The following NECAB1 variants were observed in gnomAD, a reference collection of about 807,000 sequenced individuals.
NECAB1 encodes N-terminal EF-hand calcium-binding protein 1.
A neutral mutation model predicts 57.5 loss-of-function variants in NECAB1; 29 were observed. The ratio of observed to expected loss-of-function variants is 0.50; its 90% CI spans 0.38 to 0.69. The LOEUF (loss-of-function observed/expected upper bound fraction) is 0.69. Among genes scored for constraint, NECAB1 ranks in the 30% least tolerant of loss-of-function variants. The pLI is 0.00. For synonymous variants in NECAB1, 142 were observed against 147.7 expected, an observed-to-expected ratio of 0.96 and a Z score of 0.28; for missense variants, 372 against 413.8, an observed-to-expected ratio of 0.90 and a Z score of 0.88.
intron 2 of NECAB1, among the ~76,000 whole-genome samples, chr8:90,806,129 C>T (rs1365999434): frequency 6.6e-6 from 1 of 152,178 alleles, no homozygotes; most frequent in African/African-American, 2.4e-5. Context: ...CCATTGGATT[C>T]CTCTTGTTGA....
intron 3 of NECAB1, among the ~76,000 whole-genome samples, chr8:90,829,243 C>T (rs918094196): frequency 6.6e-6 from 1 of 152,106 alleles, no homozygotes; most frequent in East Asian, 1.9e-4. Context: ...CAAATTGGAA[C>T]CATCACACCA....
At chr8:90,793,270 C>T (rs1201596567) in intron 1 of NECAB1, among the ~76,000 whole-genome samples, 5 of 152,238 alleles carry the variant, frequency 3.3e-5, no homozygotes, top group African/African-American at 1.2e-4. Flanking sequence ...ATCAATAATT[C>T]AAACTGTTGT....
rs532099961 is a variant in NECAB1, at chr8:90,859,788, A to AT, written c.234-12334dup. 1.0e-3 allele frequency among the ~76,000 whole-genome samples: 156 copies of AT among 152,200 alleles called. 1 individual carries two copies. Among genetic ancestry groups the AT allele is most frequent in the African/African-American group, 3.6e-3 (150 of 41,536 alleles). ...TCAGCCAATTGAAACAGAGCTCACC[A>AT]TTTTTTCTAATGTAATAAATATATA... On this transcript the variant is annotated intron_variant, in intron 3 of 12. Transcript: ENST00000417640.
intron 3 of NECAB1, among the ~76,000 whole-genome samples, chr8:90,860,242 T>C (rs905763934): frequency 6.6e-6 from 1 of 150,752 alleles, no homozygotes; most frequent in Middle Eastern, 3.2e-3. Context: ...TTTTTTCTTT[T>C]TTTTTTTTTT....
At chr8:90,921,109 C>T (rs748522435) in intron 6 of NECAB1, among the ~76,000 whole-genome samples, 31 of 152,104 alleles carry the variant, frequency 2.0e-4, no homozygotes, top group Non-Finnish European at 3.5e-4. Context: ...TTCCGCTTCC[C>T]GGGTTCAAGC....
At chr8:90,903,440 A>G (rs1043005590) in intron 5 of NECAB1, among the ~76,000 whole-genome samples, 2 of 152,208 alleles carry the variant, frequency 1.3e-5, no homozygotes, top group African/African-American at 4.8e-5. Context: ...TAGGTTTGTT[A>G]TAATAAAAGT....
chr8:90,952,849 G>A (rs886298257), intron 12 of NECAB1, among the ~76,000 whole-genome samples: 4 of 151,512 alleles, frequency 2.6e-5, no homozygotes, highest in Non-Finnish European at 4.4e-5. Context: ...TACAACTTCT[G>A]TAAATATGAC....
chr8:90,947,029 GA>G (rs1039665097), intron 10 of NECAB1, among the ~76,000 whole-genome samples: 6 of 152,118 alleles, frequency 3.9e-5, no homozygotes, highest in Non-Finnish European at 7.4e-5. Flanking sequence ...CTTATCTATG[GA>G]AAATGCTTAA....
intron 9 of NECAB1, among the ~76,000 whole-genome samples, chr8:90,935,048 G>T (rs1252208383): frequency 6.6e-6 from 1 of 152,142 alleles, no homozygotes; most frequent in Non-Finnish European, 1.5e-5. Context: ...TTTACATTTA[G>T]TGAAAATTTG....
In NECAB1 at chr8:90,957,777, G is replaced by A. The variant is rs1025712882; in HGVS notation, c.*2265G>A. The stretch of plus-strand genomic sequence containing the variant: ...AGTAAACAATAAGTTTATAGTTAAC[G>A]AAGATTTTTTTCTATTTAAAACCCC... On this transcript the variant is annotated 3_prime_UTR_variant, in exon 13 of 13. Transcript: ENST00000417640. 8 of 149,228 alleles carry A rather than the reference G, an allele frequency of 5.4e-5. No homozygotes were observed. The highest frequency in any genetic ancestry group is 3.9e-4 in the East Asian group (2 of 5,154). The allele number at this position is 149,228 out of a possible 1,614,324, so 9.2% of individuals were successfully genotyped here. A position where few individuals can be genotyped will look rare whatever the true frequency, so the allele number is the denominator to read the frequency against.
intron 7 of NECAB1, among the ~76,000 whole-genome samples, chr8:90,927,073 A>G (rs568149759): frequency 4.9e-4 from 74 of 152,302 alleles, no homozygotes; most frequent in Non-Finnish European, 5.7e-4. Flanking sequence ...TGGGTCTCTG[A>G]TGTGACAGCC....
At chr8:90,908,544 T>G (rs911083023) in intron 5 of NECAB1, among the ~76,000 whole-genome samples, 1 of 152,142 alleles carries the variant, frequency 6.6e-6, no homozygotes, top group African/African-American at 2.4e-5. Flanking sequence ...GTCCTGTATT[T>G]TACAGCCCCT....
intron 5 of NECAB1, among the ~76,000 whole-genome samples, chr8:90,895,805 G>C (rs1237246430): frequency 1.3e-5 from 2 of 152,222 alleles, no homozygotes; most frequent in African/African-American, 4.8e-5. Context: ...GTATTCCATA[G>C]AGAAGTATTC....
chr8:90,813,791 A>G (rs1334149431), intron 2 of NECAB1, among the ~76,000 whole-genome samples: 1 of 152,192 alleles, frequency 6.6e-6, no homozygotes, highest in Non-Finnish European at 1.5e-5. Flanking sequence ...GGCCTCCCAA[A>G]CTAATTTTTC....
intron 1 of NECAB1, among the ~76,000 whole-genome samples, chr8:90,796,468 G>A (rs1190433692): frequency 6.6e-6 from 1 of 152,146 alleles, no homozygotes; most frequent in Non-Finnish European, 1.5e-5. Context: ...AGTAAATTAT[G>A]ATTGTGTCCA....
At chr8:90,925,093 C>T (rs1031384889) in intron 6 of NECAB1, among the ~76,000 whole-genome samples, 5 of 151,712 alleles carry the variant, frequency 3.3e-5, no homozygotes, top group East Asian at 1.9e-4. Context: ...GGGGGTGAAA[C>T]GAGGGAGCTC....
At chr8:90,797,365 A>G (rs72662568) in intron 1 of NECAB1, among the ~76,000 whole-genome samples, 3,258 of 152,308 alleles carry the variant, frequency 0.021, 63 homozygotes, top group Non-Finnish European at 0.031. Flanking sequence ...CTTAAAACAC[A>G]TTGTGGCAAT....
intron 3 of NECAB1, among the ~76,000 whole-genome samples, chr8:90,839,212 A>G (rs1387024544): frequency 6.6e-6 from 1 of 152,228 alleles, no homozygotes; most frequent in East Asian, 1.9e-4. Flanking sequence ...AGAGGCTACC[A>G]CAAAAGGCTA....
intron 3 of NECAB1, among the ~76,000 whole-genome samples, chr8:90,860,791 G>A (rs945997490): frequency 3.9e-5 from 6 of 152,112 alleles, no homozygotes; most frequent in Non-Finnish European, 7.4e-5. Flanking sequence ...GGCATTGAAG[G>A]AACCCAATAT....
Sources: gnomAD v4.1 joint callset for allele counts (sites outside exome capture counted in the v4.1 genomes callset) on GRCh38, gnomAD v4.1.1 for gene constraint, MANE v1.5 for transcripts, NCBI Gene and HGNC (gene_info 2026-07-23, HGNC 2026-07-21) for gene names.